The following PYGB variants were observed in gnomAD, a reference collection of about 807,000 sequenced individuals.
PYGB encodes the protein glycogen phosphorylase, brain form.
In PYGB, 82 loss-of-function variants were observed where a neutral mutation model predicts 94.3. That is an observed-to-expected ratio of 0.87 (90% CI 0.73 to 1.04). The LOEUF (loss-of-function observed/expected upper bound fraction) is 1.04, where lower values mean the gene tolerates loss of function less well. Among genes scored for constraint, PYGB ranks in the 50% least tolerant of loss-of-function variants. PYGB has a pLI of 0.00. For synonymous variants in PYGB, 488 were observed against 479.1 expected, an observed-to-expected ratio of 1.02 and a Z score of -0.24; for missense variants, 1,132 against 1,158.2, an observed-to-expected ratio of 0.98 and a Z score of 0.33.
intron 1 of PYGB, among the ~76,000 whole-genome samples, chr20:25,249,462 GAC>G (rs1358373050): frequency 2.0e-5 from 3 of 152,220 alleles, no homozygotes; most frequent in African/African-American, 7.2e-5. Flanking sequence ...GTGAGGAAAA[GAC>G]ACACTTCCAG....
At chr20:25,286,032 G>A (rs527863434) in intron 14 of PYGB, among the ~76,000 whole-genome samples, 6 of 152,284 alleles carry the variant, frequency 3.9e-5, no homozygotes, top group South Asian at 2.1e-4. Flanking sequence ...GGGCCCTACC[G>A]GGCACTGTCT....
At chr20:25,258,346 C>T (rs74407052) in intron 1 of PYGB, among the ~76,000 whole-genome samples, 2 of 152,292 alleles carry the variant, frequency 1.3e-5, no homozygotes, top group South Asian at 4.1e-4. Context: ...GCTACATCCA[C>T]CCCACCCTCA....
In PYGB at chr20:25,278,602, A is replaced by G. The variant is rs372735006; in HGVS notation, c.999+140A>G. 2.4e-5 allele frequency: 31 copies of G among 1,266,208 alleles called. No homozygotes were observed. In the East Asian group the frequency reaches 3.8e-4, roughly 16 times the overall value. The allele number at this position is 1,266,208 out of a possible 1,614,324, so 78.4% of individuals were successfully genotyped here. ...TCTTGGGGTCTCGTCATTCTGGGCC[A>G]GGATCCCACCTGGGCCCTCCCTTCC... On this transcript the variant is annotated intron_variant, in intron 8 of 19. Coordinates refer to ENST00000216962, the MANE Select transcript of PYGB (RefSeq NM_002862.4).
At chr20:25,280,813 G>C (rs1044593632) in intron 10 of PYGB, 136 bp from the exon 11 acceptor site, 6 of 1,188,170 alleles carry the variant, frequency 5.0e-6, no homozygotes, top group Admixed American at 4.7e-5. Context: ...AGGTCTGGCT[G>C]TCACAGCCCC....
intron 7 of PYGB, 38 bp from the exon 8 acceptor site, chr20:25,278,281 C>CCCTGGGACTGGGTCATGGGGCATGTGCCA: frequency 6.8e-7 from 1 of 1,479,974 alleles, no homozygotes; most frequent in Non-Finnish European, 8.9e-7. Flanking sequence ...AGGAGAATGG[C>CCCTGGGACTGGGTCATGGGGCATGTGCCA]CCAGCCTGCA....
At chr20:25,294,742 G>A (rs1053846013) in intron 18 of PYGB, 20 of 631,520 alleles carry the variant, frequency 3.2e-5, no homozygotes, top group Non-Finnish European at 5.1e-5. Context: ...TTGCAACGAT[G>A]TGACATTATA....
intron 5 of PYGB, among the ~76,000 whole-genome samples, chr20:25,276,355 C>A (rs913386390): frequency 6.6e-6 from 1 of 152,102 alleles, no homozygotes; most frequent in African/African-American, 2.4e-5. Context: ...GGGGATGATT[C>A]TTCAGTCAAA....
At chr20:25,270,135 TTTAGTTAC>T (rs2088252826) in intron 3 of PYGB, among the ~76,000 whole-genome samples, 1 of 152,122 alleles carries the variant, frequency 6.6e-6, no homozygotes. Flanking sequence ...GGCATTTTAT[TTTAGTTAC>T]TAGTGTTCCA....
chr20:25,250,579 G>A (rs1461132854), intron 1 of PYGB, among the ~76,000 whole-genome samples: 1 of 152,194 alleles, frequency 6.6e-6, no homozygotes, highest in Non-Finnish European at 1.5e-5. Flanking sequence ...ATGAAAATAA[G>A]CTTGCAATCC....
intron 2 of PYGB, among the ~76,000 whole-genome samples, chr20:25,268,569 G>T (rs1304055589): frequency 6.6e-6 from 1 of 152,142 alleles, no homozygotes; most frequent in Non-Finnish European, 1.5e-5. Context: ...AGACCAAAAA[G>T]TTTAAAGTCT....
chr20:25,295,121 A>G, intron 18 of PYGB: 2 of 1,355,240 alleles, frequency 1.5e-6, no homozygotes, highest in South Asian at 1.2e-5. Flanking sequence ...GCATTTGTAG[A>G]TTCATAAATC....
chr20:25,262,944 A>G (rs1162057652), intron 2 of PYGB, among the ~76,000 whole-genome samples: 1 of 152,238 alleles, frequency 6.6e-6, no homozygotes, highest in East Asian at 1.9e-4. Flanking sequence ...CACCCAATAC[A>G]GGAGCACCCA....
intron 12 of PYGB, 35 bp from the exon 13 acceptor site, chr20:25,283,141 A>G (rs769783369): frequency 6.5e-7 from 1 of 1,543,148 alleles, no homozygotes; most frequent in Admixed American, 1.7e-5. Context: ...CAGGAGGCTG[A>G]GGCCCACAGT....
Position 25,281,931 on chromosome 20 carries a change from C to G in PYGB, c.1404-102C>G, listed in dbSNP as rs185550678. The G allele has an allele frequency of 1.7e-4, 165 of 998,588 alleles. No individual in the cohort carries two copies. In the African/African-American group the frequency reaches 2.3e-3, roughly 14 times the overall value. 61.9% of individuals were successfully genotyped at this position (998,588 alleles called of 1,614,324 possible). A position where few individuals can be genotyped will look rare whatever the true frequency, so the allele number is the denominator to read the frequency against. ...TAGAAAACAGAACAGAACCACTGAGCTTGAGGGCTCCTGGGACCTCCTTAA... is the reference window on the plus strand; with the variant it reads ...TAGAAAACAGAACAGAACCACTGAGGTTGAGGGCTCCTGGGACCTCCTTAA... On this transcript the variant is annotated intron_variant, in intron 11 of 19. Transcript: ENST00000216962.
At chr20:25,286,851 C>T (rs1431525144) in intron 14 of PYGB, among the ~76,000 whole-genome samples, 1 of 152,250 alleles carries the variant, frequency 6.6e-6, no homozygotes, top group African/African-American at 2.4e-5. Flanking sequence ...GTCCCCTGCC[C>T]ACTGTGACCT....
chr20:25,280,146 G>A (rs970354757), intron 9 of PYGB, 120 bp from the exon 10 acceptor site: 1 of 1,233,886 alleles, frequency 8.1e-7, no homozygotes, highest in Non-Finnish European at 1.1e-6. Context: ...AGGGGACGGT[G>A]GCCCTTCCTG....
intron 1 of PYGB, among the ~76,000 whole-genome samples, chr20:25,258,044 C>T (rs148136138): frequency 6.6e-6 from 1 of 152,076 alleles, no homozygotes; most frequent in Admixed American, 6.5e-5. Flanking sequence ...ATTCCTGTGA[C>T]GTAAAGGACT....
At chr20:25,280,694 C>T (rs148733331) in intron 10 of PYGB, among the ~76,000 whole-genome samples, 2 of 152,326 alleles carry the variant, frequency 1.3e-5, no homozygotes, top group African/African-American at 4.8e-5. Flanking sequence ...CGGGCTGGGC[C>T]CTTTCCTGGG....
At chr20:25,292,751 C>T in intron 17 of PYGB, 138 bp downstream of exon 17, 2 of 1,184,230 alleles carry the variant, frequency 1.7e-6, no homozygotes, top group Non-Finnish European at 2.3e-6. Context: ...GGGCTGTGTG[C>T]CTGCCTGCAG....
Sources: allele counts gnomAD v4.1 joint callset (sites outside exome capture counted in the v4.1 genomes callset), GRCh38; gene constraint gnomAD v4.1.1; transcripts MANE v1.5; gene names NCBI Gene and HGNC (gene_info 2026-07-23, HGNC 2026-07-21).